IGF2BP3: variants seen among roughly 807,000 people sequenced by gnomAD.
IGF2BP3 encodes insulin-like growth factor 2 mRNA-binding protein 3.
Under a neutral mutation model 73.8 loss-of-function variants are expected in IGF2BP3, and 9 were observed. That is an observed-to-expected ratio of 0.12 (90% CI 0.07 to 0.21). The LOEUF (loss-of-function observed/expected upper bound fraction) is 0.21. IGF2BP3 is among the 10% of genes least tolerant of loss of function. The pLI is 1.00. For missense variants in IGF2BP3, 542 were observed against 714.0 expected (o/e 0.76, Z 2.75); for synonymous variants, 258 against 256.7 (o/e 1.01, Z -0.05).
At chr7:23,378,908 T>C (rs939260222) in intron 3 of IGF2BP3, among the ~76,000 whole-genome samples, 3 of 151,962 alleles carry the variant, frequency 2.0e-5, no homozygotes, top group Admixed American at 2.0e-4. Context: ...GGAAGAGTAC[T>C]GGAGAAACAC....
At chr7:23,432,676 G>A (rs118069477) in intron 2 of IGF2BP3, among the ~76,000 whole-genome samples, 1 of 146,338 alleles carries the variant, frequency 6.8e-6, no homozygotes, top group East Asian at 2.0e-4. Context: ...GTCTTGCTCT[G>A]TTGCTCAGAC....
chr7:23,312,750 G>A lies in IGF2BP3; in HGVS notation c.1626C>T (p.His542=), dbSNP rs952470203. 2.5e-6 allele frequency: 4 copies of A among 1,608,314 alleles called. No individual in the cohort carries two copies. The highest frequency in any genetic ancestry group is 1.3e-5 in the African/African-American group (1 of 74,782). The change falls in exon 14 of 15, where the codon CAC becomes CAT. Residue 542 remains histidine, a synonymous_variant. Transcript: ENST00000258729. ...GCCCACTTGCCTGGCAAGCATAGAA[G>A]TGACCAGTTATTTTGACAACCACTT... ...NDQVVVKITG[H]FYACQVAQRK...
At chr7:23,320,071 C>T (rs141794272) in intron 10 of IGF2BP3, among the ~76,000 whole-genome samples, 4,503 of 151,582 alleles carry the variant, frequency 0.03, 214 homozygotes, top group African/African-American at 0.1. Flanking sequence ...TCACCACACC[C>T]GGCTAATTTT....
chr7:23,358,993 T>C (rs2128507335), intron 5 of IGF2BP3, among the ~76,000 whole-genome samples: 1 of 152,340 alleles, frequency 6.6e-6, no homozygotes, highest in South Asian at 2.1e-4. Flanking sequence ...GACTGAATAT[T>C]AGAACAAAGG....
intron 10 of IGF2BP3, among the ~76,000 whole-genome samples, chr7:23,327,278 A>ATTT (rs11332587): frequency 2.2e-5 from 2 of 92,860 alleles, no homozygotes; most frequent in Non-Finnish European, 4.5e-5. Context: ...CTAATTTCTA[A>ATTT]TTTTTTTTTT....
In IGF2BP3 at chr7:23,421,443, G is replaced by A. The variant is rs150666449; in HGVS notation, c.237-2619C>T. ...CACAGTGGCTCACACCTGTGATCCCGGCACTTTGGGAGGCTGAGGTGGGCG... is the reference window on the plus strand; with the variant it reads ...CACAGTGGCTCACACCTGTGATCCCAGCACTTTGGGAGGCTGAGGTGGGCG... On this transcript the variant is annotated intron_variant, in intron 2 of 14. Transcript: ENST00000258729. Among the ~76,000 whole-genome samples the A allele has an allele frequency of 1.1e-3, 165 of 152,022 alleles. 1 individual carries two copies. Among genetic ancestry groups the A allele is most frequent in the Admixed American group, 8.4e-3 (129 of 15,270 alleles).
chr7:23,409,583 C>G (rs1164901855), intron 3 of IGF2BP3, among the ~76,000 whole-genome samples: 2 of 152,120 alleles, frequency 1.3e-5, no homozygotes, highest in East Asian at 3.8e-4. Context: ...GAAACAGACC[C>G]ACACAAATAT....
At chr7:23,394,919 A>T (rs994299189) in intron 3 of IGF2BP3, among the ~76,000 whole-genome samples, 2 of 152,242 alleles carry the variant, frequency 1.3e-5, no homozygotes, top group African/African-American at 4.8e-5. Context: ...AACTTCAAGT[A>T]GTGGTAAACA....
chr7:23,322,363 T>G (rs985203345), intron 10 of IGF2BP3, among the ~76,000 whole-genome samples: 25 of 151,650 alleles, frequency 1.6e-4, no homozygotes, highest in South Asian at 2.1e-4. Flanking sequence ...AGAAGGGAAG[T>G]TTAGAGAAAA....
At chr7:23,456,114 G>T (rs1458243567) in intron 2 of IGF2BP3, among the ~76,000 whole-genome samples, 1 of 151,888 alleles carries the variant, frequency 6.6e-6, no homozygotes, top group Non-Finnish European at 1.5e-5. Flanking sequence ...TCAAAAAAAT[G>T]CAAAAATAGG....
chr7:23,341,475 G>C (rs1472648679), intron 10 of IGF2BP3, among the ~76,000 whole-genome samples: 1 of 152,210 alleles, frequency 6.6e-6, no homozygotes, highest in African/African-American at 2.4e-5. Flanking sequence ...AGATCAGCCT[G>C]AACAACATGG....
At chr7:23,428,113 C>T (rs920848662) in intron 2 of IGF2BP3, among the ~76,000 whole-genome samples, 8 of 151,870 alleles carry the variant, frequency 5.3e-5, no homozygotes, top group African/African-American at 1.9e-4. Context: ...GAGGTGGAGG[C>T]TGCAGTGAGC....
chr7:23,439,291 G>A (rs956464663), intron 2 of IGF2BP3, among the ~76,000 whole-genome samples: 3 of 151,844 alleles, frequency 2.0e-5, no homozygotes, highest in Non-Finnish European at 4.4e-5. Context: ...GGTGGCTCAC[G>A]CCTGTAATCC....
At chr7:23,441,642 A>C (rs1787939683) in intron 2 of IGF2BP3, among the ~76,000 whole-genome samples, 1 of 151,434 alleles carries the variant, frequency 6.6e-6, no homozygotes, top group Non-Finnish European at 1.5e-5. Flanking sequence ...TAGGGAAAAA[A>C]AAAAAGACTT....
At chr7:23,368,866 C>T (rs776525521) in intron 3 of IGF2BP3, among the ~76,000 whole-genome samples, 11 of 150,328 alleles carry the variant, frequency 7.3e-5, no homozygotes, top group Non-Finnish European at 1.0e-4. Flanking sequence ...CATTGCACTC[C>T]AGCCTGGGCC....
At position 23,346,742 on chromosome 7, in the gene IGF2BP3, G is replaced by A. The variant is rs184681891; in HGVS notation, c.819-680C>T. ...CAAGTGGCTGGGACTACAGGCACATGCCACCACGCTCATCTAATTCTTGTA... is the reference window on the plus strand; with the variant it reads ...CAAGTGGCTGGGACTACAGGCACATACCACCACGCTCATCTAATTCTTGTA... On this transcript the variant is annotated intron_variant, in intron 7 of 14. Coordinates refer to ENST00000258729, the MANE Select transcript of IGF2BP3 (RefSeq NM_006547.3). 4.5e-3 allele frequency among the ~76,000 whole-genome samples: 682 copies of A among 151,962 alleles called. 8 individuals carry two copies. Among genetic ancestry groups the A allele is most frequent in the African/African-American group, 0.015 (635 of 41,470 alleles).
chr7:23,430,281 C>T (rs1303585900), intron 2 of IGF2BP3, among the ~76,000 whole-genome samples: 1 of 152,168 alleles, frequency 6.6e-6, no homozygotes, highest in East Asian at 1.9e-4. Flanking sequence ...GACGGGGTTT[C>T]ACCATGCTGG....
At chr7:23,389,831 A>G (rs1051937109) in intron 3 of IGF2BP3, among the ~76,000 whole-genome samples, 2 of 147,802 alleles carry the variant, frequency 1.4e-5, no homozygotes, top group Admixed American at 6.7e-5. Context: ...CCTTCTGTAA[A>G]AAAAAAAAAA....
chr7:23,319,228 C>A lies in IGF2BP3; in HGVS notation c.1230G>T (p.Leu410=). The A allele has an allele frequency of 6.2e-7, 1 of 1,612,410 alleles. No homozygotes were observed. Among genetic ancestry groups the A allele is most frequent in the Non-Finnish European group, 8.5e-7 (1 of 1,179,174 alleles). Residue 410 remains leucine (L), a synonymous_variant, in exon 11 of 15, where the codon CTG becomes CTT. Transcript: ENST00000258729. ...CACCGACTGATAGAGCTGGGATAAA[C>A]AGATGAACAGTCTCCGTTTCTGATT... The part of the protein sequence containing the change: ...FEQSETETVH[L]FIPALSVGAI...
Sources: allele counts gnomAD v4.1 joint callset (sites outside exome capture counted in the v4.1 genomes callset), GRCh38; gene constraint gnomAD v4.1.1; transcripts MANE v1.5; gene names NCBI Gene and HGNC (gene_info 2026-07-23, HGNC 2026-07-21).